Variants in ZNF362 observed in about 807,000 individuals in gnomAD.
ZNF362 encodes the protein zinc finger protein 362, also known as rotund homolog.
A neutral mutation model predicts 42.9 loss-of-function variants in ZNF362; 11 were observed. The observed-to-expected ratio is 0.26, with a 90% CI of 0.16 to 0.42. The LOEUF is 0.42. Ranked by LOEUF, ZNF362 falls within the 20% of genes least tolerant of loss-of-function variation. ZNF362 has a pLI of 1.00. For synonymous variants in ZNF362, 255 were observed against 257.3 expected (o/e 0.99, Z 0.09); for missense variants, 362 against 576.2 (o/e 0.63, Z 3.81).
At chr1:33,279,862 T>TAAGAC in intron 4 of ZNF362, among the ~76,000 whole-genome samples, 1 of 152,158 alleles carries the variant, frequency 6.6e-6, no homozygotes, top group Admixed American at 6.5e-5. Context: ...CTGTTATAAA[T>TAAGAC]AAGACGGCAG....
the ZNF362 span, among the ~76,000 whole-genome samples, chr1:33,185,711 C>T: frequency 1.3e-5 from 2 of 152,188 alleles, no homozygotes; most frequent in Non-Finnish European, 2.9e-5. Context: ...ACTTAGAGAT[C>T]CTGACTGCAG....
chr1:33,295,431 A>C (rs1646114654), intron 8 of ZNF362, 126 bp downstream of exon 8: 2 of 1,235,896 alleles, frequency 1.6e-6, no homozygotes, highest in Non-Finnish European at 2.2e-6. Flanking sequence ...GGCCTAGAGA[A>C]GGGAAGTGAC....
the ZNF362 span, among the ~76,000 whole-genome samples, chr1:33,243,763 A>AT: frequency 0.031 from 3,869 of 124,028 alleles, 78 homozygotes; most frequent in African/African-American, 0.048. Context: ...CAACTGGCCA[A>AT]TTTTTTTTTT....
At chr1:33,298,013 C>T (rs1256624010) in intron 8 of ZNF362, among the ~76,000 whole-genome samples, 2 of 152,186 alleles carry the variant, frequency 1.3e-5, no homozygotes, top group Non-Finnish European at 2.9e-5. Context: ...TTGAGGGCTT[C>T]CTCTGCTGGG....
At position 33,280,432 on chromosome 1, in the gene ZNF362, A is replaced by G; in HGVS notation, c.658A>G (p.Thr220Ala). 1 of 1,605,964 alleles carries G rather than the reference A, an allele frequency of 6.2e-7. No homozygotes were observed. The highest frequency in any genetic ancestry group is 1.3e-5 in the African/African-American group (1 of 74,868). Residue 220 changes from threonine to alanine, a missense_variant, in exon 5 of 9, where the codon ACT becomes GCT. Transcript: ENST00000539719. The surrounding 1 kb of genome is among the most constrained non-coding windows in gnomAD (Gnocchi z 5.6). ...CTATCCCATCCTGGCCTCGGGCGAG[A>G]CTGCCAAGGAGGGCAAGACGTACAG... ...VPYPILASGETAKEGKTYRCK... is the reference protein window; with the variant it reads ...VPYPILASGEAAKEGKTYRCK...
At chr1:33,156,613 CCT>C in the ZNF362 span, among the ~76,000 whole-genome samples, 2 of 152,148 alleles carry the variant, frequency 1.3e-5, no homozygotes, top group African/African-American at 4.8e-5. Flanking sequence ...TTAGGGCAGC[CCT>C]CTGTCTTTTC....
the ZNF362 span, among the ~76,000 whole-genome samples, chr1:33,152,389 A>G: frequency 6.6e-6 from 1 of 152,140 alleles, no homozygotes; most frequent in Non-Finnish European, 1.5e-5. Context: ...AACATGTAGA[A>G]ACCCTGTCTC....
chr1:33,177,685 G>C, the ZNF362 span, among the ~76,000 whole-genome samples: 16 of 152,142 alleles, frequency 1.1e-4, no homozygotes, highest in Non-Finnish European at 2.1e-4. The surrounding 1 kb of genome is among the most constrained non-coding windows in gnomAD (Gnocchi z 4.1). Context: ...GGTGGAGTTT[G>C]CTACTGGCAT....
the ZNF362 span, among the ~76,000 whole-genome samples, chr1:33,187,368 T>A: frequency 1.3e-5 from 2 of 152,226 alleles, no homozygotes; most frequent in South Asian, 4.1e-4. Context: ...TTGCACCTGC[T>A]CAGATAAACT....
chr1:33,236,552 T>A, the ZNF362 span, among the ~76,000 whole-genome samples: 1,624 of 14,238 alleles, frequency 0.11, 55 homozygotes, highest in Non-Finnish European at 0.17. Context: ...AAAAAAAAAA[T>A]ATATATATAT....
chr1:33,174,962 T>TAC, the ZNF362 span, among the ~76,000 whole-genome samples: 8 of 102,420 alleles, frequency 7.8e-5, no homozygotes, highest in African/African-American at 2.5e-4. Context: ...TATATATATA[T>TAC]ATATATACAC....
chr1:33,138,293 T>C, the ZNF362 span, among the ~76,000 whole-genome samples: 1 of 152,118 alleles, frequency 6.6e-6, no homozygotes, highest in South Asian at 2.1e-4. Context: ...AATAACAATC[T>C]TTTATTAAGT....
At chr1:33,233,794 C>T in the ZNF362 span, among the ~76,000 whole-genome samples, 4 of 152,200 alleles carry the variant, frequency 2.6e-5, no homozygotes, top group East Asian at 5.8e-4. Context: ...AGTGCAGTGC[C>T]GTGGTCCAGA....
the ZNF362 span, among the ~76,000 whole-genome samples, chr1:33,237,250 C>T: frequency 6.6e-6 from 1 of 152,298 alleles, no homozygotes; most frequent in East Asian, 1.9e-4. Flanking sequence ...AAAATATTAT[C>T]TGTTAAGAGC....
the ZNF362 span, among the ~76,000 whole-genome samples, chr1:33,203,593 G>A: frequency 6.6e-6 from 1 of 152,126 alleles, no homozygotes; most frequent in Admixed American, 6.6e-5. Flanking sequence ...CCCACCAACA[G>A]TGTACAAGGG....
At chr1:33,192,545 G>C in the ZNF362 span, among the ~76,000 whole-genome samples, 1 of 152,332 alleles carries the variant, frequency 6.6e-6, no homozygotes, top group African/African-American at 2.4e-5. Context: ...AAGGAAGGCA[G>C]ACAATAAGAG....
the ZNF362 span, among the ~76,000 whole-genome samples, chr1:33,226,027 A>C: frequency 1.3e-5 from 2 of 152,104 alleles, no homozygotes; most frequent in Non-Finnish European, 2.9e-5. Context: ...ATTGGTTTAG[A>C]CTGATTATGA....
At chr1:33,298,490 A>G (rs939432138) in intron 8 of ZNF362, among the ~76,000 whole-genome samples, 4 of 152,196 alleles carry the variant, frequency 2.6e-5, no homozygotes, top group Admixed American at 6.5e-5. Flanking sequence ...GAGGAAACTG[A>G]GGCTCAGAGA....
chr1:33,299,361 T>TA lies in ZNF362; in HGVS notation c.*317dup, dbSNP rs1646149402. The TA allele has an allele frequency of 3.8e-6, 1 of 260,680 alleles. No homozygotes were observed. The highest frequency in any genetic ancestry group is 7.1e-5 in the East Asian group (1 of 14,150). The allele number at this position is 260,680 out of a possible 1,614,324, so 16.1% of individuals were successfully genotyped here. A position where few individuals can be genotyped will look rare whatever the true frequency, so the allele number is the denominator to read the frequency against. On this transcript the variant is annotated 3_prime_UTR_variant, in exon 9 of 9. Transcript: ENST00000539719. ...TTTTTTTTTTTTCGTTTTTTTTTTT[T>TA]AAGTTTGTTTTGGAAATAACAGAAA...
Sources: gnomAD v4.1 joint callset for allele counts (sites outside exome capture counted in the v4.1 genomes callset) on GRCh38, gnomAD v4.1.1 for gene constraint, Gnocchi (gnomAD v3.1) non-coding constraint, MANE v1.5 for transcripts, NCBI Gene and HGNC (gene_info 2026-07-23, HGNC 2026-07-21) for gene names.